PON1: variants seen among roughly 807,000 people sequenced by gnomAD.
The protein encoded by PON1 is paraoxonase 1.
A neutral mutation model predicts 39.2 loss-of-function variants in PON1; 37 were observed. That is an observed-to-expected ratio of 0.94 (90% CI 0.73 to 1.24). The LOEUF (loss-of-function observed/expected upper bound fraction) is 1.24. Among genes scored for constraint, PON1 ranks in the 50% most tolerant of loss-of-function variants. The pLI, the probability that PON1 is intolerant of heterozygous loss-of-function variation, is 0.00. For missense variants in PON1, 397 were observed against 413.5 expected (o/e 0.96, Z 0.35); for synonymous variants, 148 against 152.2 (o/e 0.97, Z 0.21).
At chr7:95,306,154 C>A in intron 7 of PON1, 131 bp downstream of exon 7, 1 of 775,782 alleles carries the variant, frequency 1.3e-6, no homozygotes, top group African/African-American at 1.7e-5. Context: ...GCTAATGACT[C>A]TTAATAAAGG....
Position 95,298,802 on chromosome 7 carries a change from G to T in PON1, c.*142C>A. 1 of 1,032,102 alleles carries T rather than the reference G, an allele frequency of 9.7e-7. No homozygotes were observed. Among genetic ancestry groups the T allele is most frequent in the Non-Finnish European group, 1.5e-6 (1 of 672,298 alleles). 63.9% of individuals were successfully genotyped at this position (1,032,102 alleles called of 1,614,324 possible). ...AGCCCTACACATCATATCACTCCCA[G>T]TTAAACAGTGCTTTGATGCTTCATG... On this transcript the variant is annotated 3_prime_UTR_variant, in exon 9 of 9. Coordinates refer to ENST00000222381, the MANE Select transcript of PON1 (RefSeq NM_000446.7).
chr7:95,324,371 A>C, intron 1 of PON1, 31 bp downstream of exon 1: 1 of 1,605,270 alleles, frequency 6.2e-7, no homozygotes, highest in South Asian at 1.1e-5. Context: ...AGGAGGACGA[A>C]GGCTGCAGCC....
intron 8 of PON1, among the ~76,000 whole-genome samples, chr7:95,301,434 G>T (rs1807418079): frequency 6.6e-6 from 1 of 152,084 alleles, no homozygotes; most frequent in African/African-American, 2.4e-5. Flanking sequence ...TAGGAAGGCA[G>T]GTAATGAATG....
At chr7:95,311,337 C>A (rs1807648242) in intron 5 of PON1, 114 bp downstream of exon 5, 1 of 1,297,260 alleles carries the variant, frequency 7.7e-7, no homozygotes, top group Non-Finnish European at 1.1e-6. Context: ...AGTTTGTGAT[C>A]ATTAGAAATG....
intron 7 of PON1, among the ~76,000 whole-genome samples, chr7:95,304,757 TTAAC>T (rs1193252668): frequency 6.6e-6 from 1 of 152,204 alleles, no homozygotes; most frequent in Non-Finnish European, 1.5e-5. Flanking sequence ...CGGGCATTAA[TTAAC>T]TGATATTAAT....
intron 8 of PON1, among the ~76,000 whole-genome samples, chr7:95,299,595 G>A (rs1807371299): frequency 6.6e-6 from 1 of 152,038 alleles, no homozygotes; most frequent in Non-Finnish European, 1.5e-5. Flanking sequence ...AGCTGCCAGC[G>A]AATATAAAGC....
chr7:95,318,026 TCCTCA>T (rs998825355), intron 2 of PON1, among the ~76,000 whole-genome samples: 7 of 152,120 alleles, frequency 4.6e-5, no homozygotes, highest in African/African-American at 1.7e-4. Context: ...TTCTGCCATC[TCCTCA>T]GGTTAGATTG....
intron 1 of PON1, among the ~76,000 whole-genome samples, chr7:95,324,084 C>A (rs1407206401): frequency 6.6e-6 from 1 of 152,196 alleles, no homozygotes; most frequent in Non-Finnish European, 1.5e-5. Context: ...TAGTTTGTTT[C>A]TTTCCAGGTT....
chr7:95,308,472 C>T (rs906875409), intron 5 of PON1, among the ~76,000 whole-genome samples: 49 of 128,642 alleles, frequency 3.8e-4, no homozygotes, highest in Admixed American at 2.8e-3. Context: ...AATAGTGTTA[C>T]GTCGTGTGTG....
chr7:95,321,945 T>C (rs1807908199), intron 1 of PON1, among the ~76,000 whole-genome samples: 1 of 152,192 alleles, frequency 6.6e-6, no homozygotes, highest in Non-Finnish European at 1.5e-5. Context: ...TTGCTCCCAG[T>C]AGACTTTAAA....
At chr7:95,313,618 ATGTGTG>A (rs3046663) in intron 4 of PON1, among the ~76,000 whole-genome samples, 1,607 of 147,176 alleles carry the variant, frequency 0.011, 20 homozygotes, top group South Asian at 0.057. Context: ...ATATATGTAT[ATGTGTG>A]TGTGTGTGTG....
intron 8 of PON1, among the ~76,000 whole-genome samples, chr7:95,299,670 G>T (rs943667897): frequency 6.6e-6 from 1 of 152,092 alleles, no homozygotes; most frequent in African/African-American, 2.4e-5. Context: ...CTCCCATGCT[G>T]ATGCTTCCTG....
intron 7 of PON1, among the ~76,000 whole-genome samples, chr7:95,304,498 A>T (rs1807500261): frequency 6.6e-6 from 1 of 151,952 alleles, no homozygotes; most frequent in Admixed American, 6.6e-5. Context: ...ATGTCTGGCT[A>T]ATTTTTTGTA....
rs1348103432 is a variant in PON1 at position 95,298,761 on chromosome 7, T to C, written c.*183A>G. 7.2e-6 allele frequency: 5 copies of C among 696,678 alleles called. No individual in the cohort carries two copies. The highest frequency in any genetic ancestry group is 3.9e-4 in the Middle Eastern group (1 of 2,578). 43.2% of individuals were successfully genotyped at this position (696,678 alleles called of 1,614,324 possible). On this transcript the variant is annotated 3_prime_UTR_variant, in exon 9 of 9. Coordinates refer to ENST00000222381, the MANE Select transcript of PON1 (RefSeq NM_000446.7). ...AAGTATTCCAAGACTGATTTGATAG[T>C]GTATTCTCAAAAAAAAGCCCTACAC...
chr7:95,298,923 G>T lies in PON1; in HGVS notation c.*21C>A, dbSNP rs541663829. On this transcript the variant is annotated 3_prime_UTR_variant, in exon 9 of 9. Transcript: ENST00000222381. The stretch of plus-strand genomic sequence containing the variant: ...TGAAATAATGGCCTCAGTTTCTATG[G>T]CATGGGTGCAAATCGGTCTGTTAGA... 312 of 1,613,990 alleles carry T rather than the reference G, an allele frequency of 1.9e-4. 7 individuals carry two copies. In the South Asian group the frequency reaches 3.3e-3, roughly 17 times the overall value.
At position 95,307,996 on chromosome 7, in the gene PON1, A is replaced by G; in HGVS notation, c.698+15T>C. 2 of 1,605,000 alleles carry G rather than the reference A, an allele frequency of 1.2e-6. No individual in the cohort carries two copies. Among genetic ancestry groups the G allele is most frequent in the Non-Finnish European group, 1.7e-6 (2 of 1,171,698 alleles). On this transcript the variant is annotated intron_variant, in intron 6 of 8. Transcript: ENST00000222381. ...AATCTGAGTAAATCCACTACATTTC[A>G]GAGAGTTCACATACTTGCCATCGGG...
chr7:95,302,239 A>G lies in PON1; in HGVS notation c.875T>C (p.Phe292Ser), dbSNP rs199693212. Residue 292 changes from phenylalanine (F) to serine (S), a missense_variant, in exon 8 of 9, where the codon TTC becomes TCC. Physicochemically the swap from Phe to Ser is radical, Grantham distance 155. Transcript: ENST00000222381. ...AGGAGGATTCTCTGAGTCATAGAAGAAGATTTTCATGCCATTGGGATGGCA... is the reference window on the plus strand; with the variant it reads ...AGGAGGATTCTCTGAGTCATAGAAGGAGATTTTCATGCCATTGGGATGGCA... ...VGCHPNGMKIFFYDSENPPAS... is the reference protein window; with the variant it reads ...VGCHPNGMKISFYDSENPPAS... 12 of 1,613,220 alleles carry G rather than the reference A, an allele frequency of 7.4e-6. No individual in the cohort carries two copies. The East Asian group carries it at 2.7e-4, about 36-fold the overall frequency.
chr7:95,302,295 C>T lies in PON1; in HGVS notation c.819G>A (p.Val273=). The change falls in exon 8 of 9, where the codon GTG becomes GTA. Residue 273 remains valine (V), a synonymous_variant. Coordinates refer to ENST00000222381, the MANE Select transcript of PON1 (RefSeq NM_000446.7). ...CCCAAAGGTCTCCTGTCTCAGGATC[C>T]ACAGATATGTTATCCACGAGGGTAT... ...DFNTLVDNIS[V]DPETGDLWVG... 6.2e-7 allele frequency: 1 copy of T among 1,608,030 alleles called. No individual in the cohort carries two copies. The highest frequency in any genetic ancestry group is 8.5e-7 in the Non-Finnish European group (1 of 1,174,752).
At chr7:95,311,000 C>T (rs572738731) in intron 5 of PON1, among the ~76,000 whole-genome samples, 2 of 152,266 alleles carry the variant, frequency 1.3e-5, no homozygotes, top group East Asian at 1.9e-4. Flanking sequence ...CAAACAGCAG[C>T]GGAGGCAGTA....
Sources: allele counts gnomAD v4.1 joint callset (sites outside exome capture counted in the v4.1 genomes callset), GRCh38; gene constraint gnomAD v4.1.1; transcripts MANE v1.5; gene names NCBI Gene and HGNC (gene_info 2026-07-23, HGNC 2026-07-21).